Variants in ARHGAP26 observed in about 807,000 individuals in gnomAD.
ARHGAP26 encodes the protein rho GTPase-activating protein 26.
In ARHGAP26, 38 loss-of-function variants were observed where a neutral mutation model predicts 104.8. The ratio of observed to expected loss-of-function variants is 0.36; its 90% CI spans 0.28 to 0.48. The LOEUF is 0.48. Ranked by LOEUF, ARHGAP26 falls within the 20% of genes least tolerant of loss-of-function variation. The pLI, the probability that ARHGAP26 is intolerant of heterozygous loss-of-function variation, is 0.99. For missense variants in ARHGAP26, 704 were observed against 947.9 expected (o/e 0.74, Z 3.38); for synonymous variants, 341 against 340.0 (o/e 1.00, Z -0.03).
At chr5:143,132,405 G>A (rs1273088983) in intron 18 of ARHGAP26, among the ~76,000 whole-genome samples, 1 of 151,368 alleles carries the variant, frequency 6.6e-6, no homozygotes, top group Non-Finnish European at 1.5e-5. Context: ...GAGACTGTTA[G>A]GAAGGAGAAA....
At chr5:143,145,064 TG>T (rs1252442012) in intron 19 of ARHGAP26, among the ~76,000 whole-genome samples, 1 of 152,246 alleles carries the variant, frequency 6.6e-6, no homozygotes, top group Admixed American at 6.5e-5. Flanking sequence ...TTGGCCCTCT[TG>T]GCTGTAAAAC....
chr5:143,024,578 C>T (rs55680810), intron 12 of ARHGAP26, among the ~76,000 whole-genome samples: 9,432 of 152,144 alleles, frequency 0.062, 1,006 homozygotes, highest in African/African-American at 0.21. Flanking sequence ...CCACTGCCAC[C>T]GAGTACAGGC....
chr5:142,995,720 T>A (rs563574107), intron 11 of ARHGAP26, among the ~76,000 whole-genome samples: 5 of 152,342 alleles, frequency 3.3e-5, no homozygotes, highest in Admixed American at 3.3e-4. Flanking sequence ...CACATATGTT[T>A]ATTGAGGCAC....
chr5:142,901,800 T>A (rs1463070005), intron 6 of ARHGAP26, 135 bp from the exon 7 acceptor site: 2 of 680,936 alleles, frequency 2.9e-6, no homozygotes, highest in Admixed American at 5.3e-5. Flanking sequence ...GGCACACAAT[T>A]GGTGCTCTTT....
Position 142,770,747 on chromosome 5 carries a change from G to C in ARHGAP26, c.-15G>C, listed in dbSNP as rs1755035699. 3 of 1,364,414 alleles carry C rather than the reference G, an allele frequency of 2.2e-6. No individual in the cohort carries two copies. Among genetic ancestry groups the C allele is most frequent in the African/African-American group, 1.5e-5 (1 of 66,834 alleles). The allele number at this position is 1,364,414 out of a possible 1,614,324, so 84.5% of individuals were successfully genotyped here. The stretch of plus-strand genomic sequence containing the variant: ...CCGGCGGAGGCGCGCCCCCCGGCTG[G>C]GCGCCGCGCGCACCATGGGGCTCCC... On this transcript the variant is annotated 5_prime_UTR_variant, in exon 1 of 23. Transcript: ENST00000645722.
intron 11 of ARHGAP26, among the ~76,000 whole-genome samples, chr5:142,950,402 T>A (rs1018924226): frequency 6.6e-6 from 1 of 152,228 alleles, no homozygotes; most frequent in African/African-American, 2.4e-5. Flanking sequence ...GTGGGATTTT[T>A]TTTTTTTAAG....
chr5:142,895,542 T>C (rs1388998496), intron 6 of ARHGAP26, among the ~76,000 whole-genome samples: 1 of 152,194 alleles, frequency 6.6e-6, no homozygotes, highest in East Asian at 1.9e-4. Context: ...GAAAGGAGAC[T>C]TTTCTTAAGC....
chr5:142,978,669 T>C (rs1326590347), intron 11 of ARHGAP26, among the ~76,000 whole-genome samples: 1 of 152,128 alleles, frequency 6.6e-6, no homozygotes, highest in African/African-American at 2.4e-5. Flanking sequence ...ATTGGCATGA[T>C]ACTTTCCACC....
chr5:142,918,896 G>T (rs777874095), intron 10 of ARHGAP26, among the ~76,000 whole-genome samples: 5 of 152,110 alleles, frequency 3.3e-5, no homozygotes, highest in Non-Finnish European at 5.9e-5. Flanking sequence ...TTCTTTGAAG[G>T]TTCCTTCTGA....
At chr5:142,957,462 A>G (rs1235768483) in intron 11 of ARHGAP26, among the ~76,000 whole-genome samples, 2 of 152,176 alleles carry the variant, frequency 1.3e-5, no homozygotes, top group African/African-American at 4.8e-5. Flanking sequence ...ATTGGACCAT[A>G]AGATATTGGT....
chr5:142,902,694 T>G (rs1760534700), intron 7 of ARHGAP26, among the ~76,000 whole-genome samples: 2 of 152,242 alleles, frequency 1.3e-5, no homozygotes, highest in Admixed American at 6.5e-5. Flanking sequence ...CCATGTGGGT[T>G]GTACTGCATG....
chr5:143,164,854 C>T lies in ARHGAP26; in HGVS notation c.1988+17473C>T, dbSNP rs565025875. The T allele has an allele frequency of 2.0e-5, 3 of 152,142 alleles. No homozygotes were observed. In the South Asian group the frequency reaches 6.2e-4, roughly 32 times the overall value. The allele number at this position is 152,142 out of a possible 1,614,324, so 9.4% of individuals were successfully genotyped here. On this transcript the variant is annotated intron_variant, in intron 20 of 22. Coordinates refer to ENST00000645722, the MANE Select transcript of ARHGAP26 (RefSeq NM_001135608.3). ...TGGCACACCTCAGGAAGAATTAGGT[C>T]TCTATGTACAAAAATGTTCGACAGA...
chr5:142,805,143 G>A (rs559537768), intron 1 of ARHGAP26, among the ~76,000 whole-genome samples: 9 of 130,742 alleles, frequency 6.9e-5, no homozygotes, highest in African/African-American at 1.5e-4. Context: ...CACCCTTTTC[G>A]CCAGGCTGGA....
At chr5:142,886,221 C>T (rs534613295) in intron 5 of ARHGAP26, among the ~76,000 whole-genome samples, 32 of 152,278 alleles carry the variant, frequency 2.1e-4, no homozygotes, top group Admixed American at 5.2e-4. Flanking sequence ...CCGTGGCTTC[C>T]AGGCCGGCCC....
intron 11 of ARHGAP26, among the ~76,000 whole-genome samples, chr5:143,002,868 G>A (rs1382576398): frequency 6.6e-6 from 1 of 152,194 alleles, no homozygotes; most frequent in Admixed American, 6.5e-5. Flanking sequence ...TAACATTGCA[G>A]CATTTCCTCC....
rs185960652 is a variant in ARHGAP26, at chr5:142,824,138, A to G, written c.155-49262A>G. 3.7e-3 allele frequency among the ~76,000 whole-genome samples: 556 copies of G among 151,252 alleles called. 6 individuals carry two copies. Among genetic ancestry groups the G allele is most frequent in the African/African-American group, 0.013 (520 of 41,328 alleles). On this transcript the variant is annotated intron_variant, in intron 1 of 22. Coordinates refer to ENST00000645722, the MANE Select transcript of ARHGAP26 (RefSeq NM_001135608.3). Reference sequence around the variant, plus strand: ...GTATGAGTTTCAGTATGTTGTGTGTATGTGTGTGTGTGTGTACATTTGCTG... The same window carrying G: ...GTATGAGTTTCAGTATGTTGTGTGTGTGTGTGTGTGTGTGTACATTTGCTG...
chr5:143,009,322 A>T (rs903596125), intron 11 of ARHGAP26, among the ~76,000 whole-genome samples: 4 of 152,152 alleles, frequency 2.6e-5, no homozygotes, highest in African/African-American at 9.7e-5. Context: ...CGTCATTGTC[A>T]TCATCGTCAT....
At chr5:142,922,924 G>A (rs941183515) in intron 10 of ARHGAP26, among the ~76,000 whole-genome samples, 4 of 152,134 alleles carry the variant, frequency 2.6e-5, no homozygotes, top group Non-Finnish European at 5.9e-5. Context: ...GGCAGGAAAT[G>A]GAGTTTTCCT....
In ARHGAP26 at chr5:143,223,091, G is replaced by A. The variant is rs1811396167; in HGVS notation, c.*645G>A. The A allele has an allele frequency of 4.3e-6, 1 of 233,478 alleles. No individual in the cohort carries two copies. Among genetic ancestry groups the A allele is most frequent in the African/African-American group, 2.2e-5 (1 of 45,336 alleles). 14.5% of individuals were successfully genotyped at this position (233,478 alleles called of 1,614,324 possible). Reference sequence around the variant, plus strand: ...TCATGCACGGGAACACACACACCCTGCGTTTCTCCCTCCCAGGCTAGGAAC... The same window carrying A: ...TCATGCACGGGAACACACACACCCTACGTTTCTCCCTCCCAGGCTAGGAAC... On this transcript the variant is annotated 3_prime_UTR_variant, in exon 23 of 23. Transcript: ENST00000645722.
Sources: gnomAD v4.1 joint callset for allele counts (sites outside exome capture counted in the v4.1 genomes callset) on GRCh38, gnomAD v4.1.1 for gene constraint, MANE v1.5 for transcripts, NCBI Gene and HGNC (gene_info 2026-07-23, HGNC 2026-07-21) for gene names.